The following CNTN4 variants were observed in gnomAD, a reference collection of about 807,000 sequenced individuals.
The protein encoded by CNTN4 is contactin 4, also known as contactin-4.
A neutral mutation model predicts 122.5 loss-of-function variants in CNTN4; 77 were observed. The observed-to-expected ratio is 0.63, with a 90% CI of 0.52 to 0.76. The LOEUF (loss-of-function observed/expected upper bound fraction) is 0.76, where lower values mean the gene tolerates loss of function less well. CNTN4 is among the 30% of genes least tolerant of loss of function. CNTN4 has a pLI of 0.00. For missense variants in CNTN4, 1,256 were observed against 1,259.1 expected, an observed-to-expected ratio of 1.00 and a Z score of 0.04; for synonymous variants, 512 against 447.0, an observed-to-expected ratio of 1.15 and a Z score of -1.83.
At chr3:2,543,664 G>A (rs2078123258) in intron 3 of CNTN4, among the ~76,000 whole-genome samples, 1 of 152,098 alleles carries the variant, frequency 6.6e-6, no homozygotes, top group South Asian at 2.1e-4. Flanking sequence ...TTTTTCCTCA[G>A]TATGCATTTA....
In CNTN4 at chr3:2,654,498, G is replaced by A. The variant is rs550909504; in HGVS notation, c.56-81717G>A. Among the ~76,000 whole-genome samples the A allele has an allele frequency of 3.9e-5, 6 of 152,110 alleles. No homozygotes were observed. The South Asian group carries it at 6.2e-4, about 16-fold the overall frequency. On this transcript the variant is annotated intron_variant, in intron 4 of 24. Coordinates refer to ENST00000418658, the MANE Select transcript of CNTN4 (RefSeq NM_175607.3). ...CTTTTTTCTCATGCTTTTATATACC[G>A]TGTTTCTCTCTTTTCTCCAACACTT... is the stretch of plus-strand genomic sequence containing the variant.
chr3:2,238,270 C>T (rs898031825), intron 2 of CNTN4, among the ~76,000 whole-genome samples: 8 of 151,970 alleles, frequency 5.3e-5, no homozygotes, highest in East Asian at 1.9e-4. Context: ...CTGATTTTGA[C>T]GGGACTACTT....
At chr3:2,768,424 T>C (rs1247271146) in intron 6 of CNTN4, among the ~76,000 whole-genome samples, 1 of 152,250 alleles carries the variant, frequency 6.6e-6, no homozygotes, top group East Asian at 1.9e-4. Context: ...ACAAATTGTC[T>C]TTCAGCTGAA....
chr3:2,188,169 G>T (rs1365213628), intron 2 of CNTN4, among the ~76,000 whole-genome samples: 1 of 152,054 alleles, frequency 6.6e-6, no homozygotes, highest in Non-Finnish European at 1.5e-5. Flanking sequence ...ATTTTCCTGG[G>T]TGCTTCAGTA....
chr3:2,176,762 G>T (rs1207417024), intron 2 of CNTN4, among the ~76,000 whole-genome samples: 2 of 152,128 alleles, frequency 1.3e-5, no homozygotes, highest in Non-Finnish European at 2.9e-5. Context: ...TTAGGAGATT[G>T]ATTGCTTTGA....
intron 4 of CNTN4, among the ~76,000 whole-genome samples, chr3:2,711,536 A>G (rs143932844): frequency 1.0e-3 from 158 of 152,320 alleles, no homozygotes; most frequent in African/African-American, 3.7e-3. Context: ...GGGAAGAAGA[A>G]CATCAAGAAT....
At chr3:2,289,510 G>A (rs539978597) in intron 2 of CNTN4, among the ~76,000 whole-genome samples, 9 of 152,302 alleles carry the variant, frequency 5.9e-5, no homozygotes, top group African/African-American at 7.2e-5. Context: ...TTCATTAAAC[G>A]TTGCTGTTAA....
intron 13 of CNTN4, among the ~76,000 whole-genome samples, chr3:2,931,613 A>T (rs1485817401): frequency 6.6e-6 from 1 of 152,128 alleles, no homozygotes; most frequent in Non-Finnish European, 1.5e-5. Flanking sequence ...ACTATGTATT[A>T]ACTTTTAATT....
chr3:2,568,223 T>G (rs1293025483), intron 3 of CNTN4, among the ~76,000 whole-genome samples: 10 of 151,762 alleles, frequency 6.6e-5, no homozygotes, highest in Admixed American at 6.6e-4. Flanking sequence ...TTCATGCTTT[T>G]GTTTTCAGCA....
chr3:2,647,507 C>A (rs191510374), intron 4 of CNTN4, among the ~76,000 whole-genome samples: 13 of 152,136 alleles, frequency 8.5e-5, no homozygotes, highest in African/African-American at 2.9e-4. Context: ...TTATTTTCTC[C>A]CCTCAGATTT....
Position 2,620,795 on chromosome 3 carries a change from A to G in CNTN4, c.55+49237A>G, listed in dbSNP as rs113608924. On this transcript the variant is annotated intron_variant, in intron 4 of 24. Coordinates refer to ENST00000418658, the MANE Select transcript of CNTN4 (RefSeq NM_175607.3). ...ACTCTATACAGCCCCCCTCCTGTGT[A>G]ATTATTCTTCCTTTGACACAAAGCA... Among the ~76,000 whole-genome samples the G allele has an allele frequency of 4.5e-3, 680 of 152,252 alleles. 7 individuals carry two copies. The highest frequency in any genetic ancestry group is 0.015 in the African/African-American group (631 of 41,556).
chr3:2,203,030 C>T (rs529708016), intron 2 of CNTN4, among the ~76,000 whole-genome samples: 3 of 149,106 alleles, frequency 2.0e-5, no homozygotes, highest in East Asian at 3.9e-4. Flanking sequence ...GATGGGGTTT[C>T]ACCATGTTGG....
At chr3:2,627,707 A>G (rs112305557) in intron 4 of CNTN4, among the ~76,000 whole-genome samples, 21 of 151,922 alleles carry the variant, frequency 1.4e-4, no homozygotes, top group East Asian at 5.8e-4. Context: ...GTTAGCCAGG[A>G]TGGTCTCGAT....
chr3:2,508,959 G>A (rs2149057404), intron 3 of CNTN4, among the ~76,000 whole-genome samples: 1 of 152,216 alleles, frequency 6.6e-6, no homozygotes, highest in East Asian at 1.9e-4. Context: ...GATGGAAGTT[G>A]GAAATTTTTT....
chr3:2,886,800 C>T (rs1395862577), intron 9 of CNTN4, among the ~76,000 whole-genome samples: 1 of 152,092 alleles, frequency 6.6e-6, no homozygotes, highest in Non-Finnish European at 1.5e-5. Flanking sequence ...AGATGTGAGC[C>T]ATTGCACCCT....
chr3:2,929,473 G>T (rs969916802), intron 13 of CNTN4, among the ~76,000 whole-genome samples: 2 of 152,142 alleles, frequency 1.3e-5, no homozygotes, highest in Admixed American at 6.5e-5. Flanking sequence ...ACCCAGGGTG[G>T]ATGCTTTTGG....
At chr3:2,803,726 A>AT (rs1351620345) in intron 6 of CNTN4, among the ~76,000 whole-genome samples, 1 of 151,720 alleles carries the variant, frequency 6.6e-6, no homozygotes, top group Non-Finnish European at 1.5e-5. Context: ...CGCCTGGCTA[A>AT]TTTTTTGTAT....
At chr3:2,145,905 C>A in intron 2 of CNTN4, among the ~76,000 whole-genome samples, 1 of 150,210 alleles carries the variant, frequency 6.7e-6, no homozygotes, top group South Asian at 2.1e-4. Flanking sequence ...GACTAGAAAA[C>A]AAACTCAGGA....
At chr3:2,115,407 C>G (rs2033282130) in intron 2 of CNTN4, among the ~76,000 whole-genome samples, 1 of 152,290 alleles carries the variant, frequency 6.6e-6, no homozygotes, top group Middle Eastern at 3.4e-3. Flanking sequence ...GTTGGTTATT[C>G]TTTCTTGGAA....
Sources: allele counts gnomAD v4.1 joint callset (sites outside exome capture counted in the v4.1 genomes callset), GRCh38; gene constraint gnomAD v4.1.1; transcripts MANE v1.5; gene names NCBI Gene and HGNC (gene_info 2026-07-23, HGNC 2026-07-21).